The following USP53 variants were observed in gnomAD, a reference collection of about 807,000 sequenced individuals.
The protein encoded by USP53 is ubiquitin specific peptidase 53, also known as ubiquitin carboxyl-terminal hydrolase 53.
Under a neutral mutation model 94.9 loss-of-function variants are expected in USP53, and 71 were observed. The observed-to-expected ratio is 0.75, with a 90% confidence interval of 0.62 to 0.91. The LOEUF (loss-of-function observed/expected upper bound fraction) is 0.91. Ranked by LOEUF, USP53 falls within the 40% of genes least tolerant of loss-of-function variation. The pLI, the probability that USP53 is intolerant of heterozygous loss-of-function variation, is 0.00. For synonymous variants in USP53, 375 were observed against 422.7 expected, an observed-to-expected ratio of 0.89 and a Z score of 1.39; for missense variants, 1,173 against 1,281.0, an observed-to-expected ratio of 0.92 and a Z score of 1.29.
At chr4:119,235,637 G>A (rs967013693) in intron 4 of USP53, among the ~76,000 whole-genome samples, 9 of 150,286 alleles carry the variant, frequency 6.0e-5, no homozygotes, top group Non-Finnish European at 1.3e-4. Flanking sequence ...CACATGATCT[G>A]TCTTTTTCCC....
intron 18 of USP53, among the ~76,000 whole-genome samples, chr4:119,291,853 T>A (rs577543397): frequency 2.0e-5 from 3 of 152,172 alleles, no homozygotes; most frequent in African/African-American, 2.4e-5. Context: ...CCCTCAAATA[T>A]AATATAAATA....
intron 3 of USP53, among the ~76,000 whole-genome samples, chr4:119,226,855 A>G (rs1368320156): frequency 6.6e-6 from 1 of 152,164 alleles, no homozygotes; most frequent in Non-Finnish European, 1.5e-5. Flanking sequence ...GTTTTGAAAC[A>G]AGGTCTCACA....
intron 16 of USP53, 84 bp from the exon 17 acceptor site, chr4:119,273,545 AAAT>A: frequency 2.1e-6 from 2 of 969,090 alleles, no homozygotes; most frequent in South Asian, 3.1e-5. Flanking sequence ...GGCATATAAT[AAAT>A]GTTTAACAAA....
rs1197697098 is a variant in USP53, at chr4:119,271,379, C to G, written c.1519C>G (p.Leu507Val). 6.2e-7 allele frequency: 1 copy of G among 1,613,190 alleles called. No individual in the cohort carries two copies. The highest frequency in any genetic ancestry group is 8.5e-7 in the Non-Finnish European group (1 of 1,179,840). The change falls in exon 16 of 19, where the codon CTA becomes GTA. Residue 507 changes from leucine to valine, a missense_variant. Coordinates refer to ENST00000692078, the MANE Select transcript of USP53 (RefSeq NM_001371395.1). ...NGFKQHGNPH[L>V]YHSQGKGSYK... ...TTTTAAACAACATGGGAATCCACAT[C>G]TATATCATAGTCAAGGAAAAGGATC... is the stretch of plus-strand genomic sequence containing the variant.
chr4:119,252,959 A>G (rs1749243234), intron 7 of USP53, among the ~76,000 whole-genome samples: 1 of 151,960 alleles, frequency 6.6e-6, no homozygotes, highest in South Asian at 2.1e-4. Flanking sequence ...GTTTTAAAGA[A>G]CATCTTTATT....
At chr4:119,217,096 A>G (rs1743875621) in intron 2 of USP53, among the ~76,000 whole-genome samples, 3 of 152,292 alleles carry the variant, frequency 2.0e-5, no homozygotes, top group South Asian at 2.1e-4. Context: ...TGTAAACTTT[A>G]TATCAGAGGA....
chr4:119,273,538 A>G, intron 16 of USP53, 94 bp from the exon 17 acceptor site: 5 of 874,560 alleles, frequency 5.7e-6, no homozygotes, highest in Middle Eastern at 2.3e-4. Context: ...AGCACATGGC[A>G]TATAATAAAT....
chr4:119,232,280 C>T, intron 3 of USP53, among the ~76,000 whole-genome samples: 1 of 152,182 alleles, frequency 6.6e-6, no homozygotes, highest in Non-Finnish European at 1.5e-5. Flanking sequence ...ACGATCACCC[C>T]TCATTCTCCT....
upstream of USP53, chr4:119,212,663 C>T (rs1199393282): frequency 2.8e-6 from 1 of 352,274 alleles, no homozygotes; most frequent in South Asian, 2.1e-5. Flanking sequence ...TGCGCATGCT[C>T]CGCTCACAGG....
chr4:119,230,584 G>A (rs780275764), intron 3 of USP53, among the ~76,000 whole-genome samples: 7 of 152,146 alleles, frequency 4.6e-5, no homozygotes, highest in Non-Finnish European at 8.8e-5. Context: ...CCTGTGTTGA[G>A]TTTATTCCTA....
chr4:119,239,868 G>A lies in USP53; in HGVS notation c.109G>A (p.Gly37Arg). The A allele has an allele frequency of 6.2e-7, 1 of 1,608,656 alleles. No homozygotes were observed. ...TACCAAAGGCTTGTTAAATGAACCA[G>A]GACAAAACAGCTGCTTTCTTAATAG... Reference protein sequence around the residue: ...APTKGLLNEPGQNSCFLNSAV... With the variant: ...APTKGLLNEPRQNSCFLNSAV... Residue 37 changes from glycine (G) to arginine (R), a missense_variant, in exon 5 of 19, where the codon GGA (glycine) becomes AGA (arginine). By Grantham distance (125) the Gly-to-Arg change is moderately radical (BLOSUM62 -2). Transcript: ENST00000692078.
intron 16 of USP53, chr4:119,273,376 T>C: frequency 3.3e-6 from 1 of 300,294 alleles, no homozygotes. Context: ...TGGAGTAGCC[T>C]AGGGTAGTAG....
chr4:119,234,334 C>G (rs1010000658), intron 3 of USP53, among the ~76,000 whole-genome samples: 31 of 152,094 alleles, frequency 2.0e-4, no homozygotes, highest in Non-Finnish European at 3.7e-4. Flanking sequence ...TTTAGTGTCC[C>G]CAAGGTTTTT....
Position 119,239,632 on chromosome 4 carries a change from G to T in USP53, c.-128G>T, listed in dbSNP as rs1053465387. ...TAACATCAGGAAAGATATGGACTTG[G>T]AAACTTACATTATTAAAATAGACTG... On this transcript the variant is annotated 5_prime_UTR_variant, in exon 5 of 19. An upstream open reading frame in the 5' UTR gains an earlier in-frame stop. Coordinates refer to ENST00000692078, the MANE Select transcript of USP53 (RefSeq NM_001371395.1). 2.4e-5 allele frequency: 27 copies of T among 1,126,950 alleles called. No individual in the cohort carries two copies. The highest frequency in any genetic ancestry group is 6.1e-6 in the Non-Finnish European group (5 of 821,802). The allele number at this position is 1,126,950 out of a possible 1,614,324, so 69.8% of individuals were successfully genotyped here.
chr4:119,245,296 T>C (rs778572409), intron 5 of USP53, 41 bp from the exon 6 acceptor site: 1 of 1,582,032 alleles, frequency 6.3e-7, no homozygotes, highest in South Asian at 1.1e-5. Context: ...GTAAGAAAAA[T>C]TTGTTTATTT....
chr4:119,219,855 T>C (rs1290096498), intron 3 of USP53: 2 of 152,212 alleles, frequency 1.3e-5, no homozygotes, highest in Non-Finnish European at 2.9e-5. Flanking sequence ...GATAAAATTA[T>C]TGCTGGTAAA....
intron 18 of USP53, 132 bp from the exon 19 acceptor site, chr4:119,292,206 T>C: frequency 1.0e-6 from 1 of 971,576 alleles, no homozygotes; most frequent in Non-Finnish European, 1.4e-6. Context: ...CTTTCCATTT[T>C]TGTGGTTTTG....
At chr4:119,228,166 G>GC (rs989153883) in intron 3 of USP53, among the ~76,000 whole-genome samples, 4 of 152,192 alleles carry the variant, frequency 2.6e-5, no homozygotes, top group African/African-American at 2.4e-5. Context: ...AGTGGTCAAA[G>GC]CATCAAATGG....
At chr4:119,213,398 T>C (rs1377330767) in intron 1 of USP53, among the ~76,000 whole-genome samples, 1 of 151,922 alleles carries the variant, frequency 6.6e-6, no homozygotes, top group Non-Finnish European at 1.5e-5. Flanking sequence ...TGGTGATGTA[T>C]ATAAAGTTAA....
Sources: allele counts gnomAD v4.1 joint callset (sites outside exome capture counted in the v4.1 genomes callset), GRCh38; gene constraint gnomAD v4.1.1; transcripts MANE v1.5; gene names NCBI Gene and HGNC (gene_info 2026-07-23, HGNC 2026-07-21).